Variants in ACSS3 observed in about 807,000 individuals in gnomAD.
ACSS3 encodes acyl-CoA synthetase short-chain family member 3, mitochondrial.
ACSS3 carries 64 observed loss-of-function variants against 84.2 expected under a neutral mutation model. That is an observed-to-expected ratio of 0.76 (90% CI 0.62 to 0.94). The LOEUF (loss-of-function observed/expected upper bound fraction) is 0.94, where lower values mean the gene tolerates loss of function less well. ACSS3 is among the 40% of genes least tolerant of loss of function. The probability of loss-of-function intolerance (pLI) is 0.00; values close to 1 mark genes in which losing one functional copy is unlikely to be tolerated. For synonymous variants in ACSS3, 317 were observed against 310.1 expected (o/e 1.02, Z -0.23); for missense variants, 815 against 867.6 (o/e 0.94, Z 0.76).
At chr12:81,151,817 T>C (rs1886623148) in intron 5 of ACSS3, 27 bp from the exon 6 acceptor site, 1 of 1,598,028 alleles carries the variant, frequency 6.3e-7, no homozygotes, top group Non-Finnish European at 8.5e-7. Context: ...TGTTTATTGA[T>C]TTTAATTTCA....
At chr12:81,193,566 T>C (rs896541326) in intron 8 of ACSS3, among the ~76,000 whole-genome samples, 6 of 152,014 alleles carry the variant, frequency 3.9e-5, no homozygotes, top group Non-Finnish European at 8.8e-5. Context: ...TCTCCTTTTT[T>C]TCTATTCTGA....
intron 1 of ACSS3, among the ~76,000 whole-genome samples, chr12:81,094,037 T>C (rs1168196680): frequency 1.3e-5 from 2 of 152,176 alleles, no homozygotes; most frequent in African/African-American, 4.8e-5. Context: ...TGGGTGAATA[T>C]ATAAATATTT....
chr12:81,148,154 A>T (rs189413336), intron 5 of ACSS3, among the ~76,000 whole-genome samples: 1 of 126,988 alleles, frequency 7.9e-6, no homozygotes, highest in African/African-American at 2.5e-5. Flanking sequence ...ATATTTAAAG[A>T]CCATTAAAAA....
intron 9 of ACSS3, among the ~76,000 whole-genome samples, chr12:81,210,312 G>A (rs2032539913): frequency 6.6e-6 from 1 of 152,252 alleles, no homozygotes; most frequent in East Asian, 1.9e-4. Context: ...TCGTATTCAG[G>A]TTAGAGAGGA....
intron 2 of ACSS3, among the ~76,000 whole-genome samples, chr12:81,118,767 A>C (rs2121527963): frequency 6.6e-6 from 1 of 152,322 alleles, no homozygotes. Context: ...ACACATACTG[A>C]ATGCTTATTG....
At chr12:81,250,978 A>G (rs10862274) in intron 13 of ACSS3, among the ~76,000 whole-genome samples, 28,955 of 152,094 alleles carry the variant, frequency 0.19, 2,856 homozygotes, top group East Asian at 0.21. Context: ...TCTTACTATC[A>G]CGACCTTAAC....
chr12:81,148,790 A>G (rs1324390891), intron 5 of ACSS3, among the ~76,000 whole-genome samples: 3 of 151,246 alleles, frequency 2.0e-5, no homozygotes, highest in East Asian at 1.9e-4. Context: ...GGCCAGGCGC[A>G]GTGCATCATG....
rs188026796 is a variant in ACSS3, at chr12:81,151,870, C to T, written c.948C>T (p.Tyr316=). Residue 316 remains tyrosine (Y), a synonymous_variant, in exon 6 of 16, where the codon TAC becomes TAT. Coordinates refer to ENST00000548058, the MANE Select transcript of ACSS3 (RefSeq NM_024560.4). ...GTGTGATTAGGCCCACTGGGGGATA[C>T]GCTGTCATGCTACACTGGTCAATGT... The part of the protein sequence containing the change: ...PKGVIRPTGG[Y]AVMLHWSMSS... The T allele has an allele frequency of 3.2e-5, 52 of 1,613,688 alleles. No homozygotes were observed. The highest frequency in any genetic ancestry group is 8.0e-5 in the African/African-American group (6 of 75,044).
Position 81,256,197 on chromosome 12 carries a change from A to G in ACSS3, c.*1275A>G, listed in dbSNP as rs1200684733. 6.6e-6 allele frequency: 1 copy of G among 152,166 alleles called. No individual in the cohort carries two copies. Among genetic ancestry groups the G allele is most frequent in the Non-Finnish European group, 1.5e-5 (1 of 68,024 alleles). The allele number at this position is 152,166 out of a possible 1,614,324, so 9.4% of individuals were successfully genotyped here. On this transcript the variant is annotated 3_prime_UTR_variant, in exon 16 of 16. Coordinates refer to ENST00000548058, the MANE Select transcript of ACSS3 (RefSeq NM_024560.4). The stretch of plus-strand genomic sequence containing the variant: ...GCGGACCCAGCAGAATATGGCCCAA[A>G]AAGGAGGCAGGTCTCCTGTTGCAAG...
intron 13 of ACSS3, among the ~76,000 whole-genome samples, chr12:81,238,594 C>T (rs908812935): frequency 6.6e-6 from 1 of 151,602 alleles, no homozygotes; most frequent in African/African-American, 2.4e-5. Context: ...TAACTTTTGT[C>T]AGATTGTGTC....
intron 2 of ACSS3, among the ~76,000 whole-genome samples, chr12:81,118,320 G>A (rs781110455): frequency 2.0e-5 from 3 of 152,164 alleles, no homozygotes; most frequent in Non-Finnish European, 4.4e-5. Flanking sequence ...CATGACCCAA[G>A]ATTATGAAGT....
chr12:81,089,940 C>T (rs770902663), intron 1 of ACSS3, among the ~76,000 whole-genome samples: 2 of 152,012 alleles, frequency 1.3e-5, no homozygotes, highest in Non-Finnish European at 2.9e-5. Flanking sequence ...GTTTTTTCAA[C>T]CCAGTTGGGT....
At chr12:81,175,935 C>A (rs190975591) in intron 8 of ACSS3, among the ~76,000 whole-genome samples, 10 of 152,092 alleles carry the variant, frequency 6.6e-5, no homozygotes, top group Admixed American at 6.5e-4. Context: ...ATGTCACACC[C>A]CGAGGAACTA....
chr12:81,107,185 C>A (rs11614891), intron 1 of ACSS3, among the ~76,000 whole-genome samples: 53,297 of 151,206 alleles, frequency 0.35, 11,854 homozygotes, highest in Non-Finnish European at 0.5. Flanking sequence ...GTAGCGTGAG[C>A]TAAGGGATGC....
chr12:81,081,126 C>G (rs1009869115), intron 1 of ACSS3, among the ~76,000 whole-genome samples: 3 of 152,160 alleles, frequency 2.0e-5, no homozygotes, highest in Non-Finnish European at 4.4e-5. Context: ...AAAGTAAACT[C>G]CCCTCAGAAC....
At chr12:81,175,334 A>G (rs1307865297) in intron 8 of ACSS3, among the ~76,000 whole-genome samples, 1 of 152,214 alleles carries the variant, frequency 6.6e-6, no homozygotes, top group African/African-American at 2.4e-5. Context: ...ATGTATACAG[A>G]TAAAATGTGA....
chr12:81,159,586 TTGAA>T (rs1887050115), intron 7 of ACSS3, among the ~76,000 whole-genome samples: 1 of 152,148 alleles, frequency 6.6e-6, no homozygotes, highest in Non-Finnish European at 1.5e-5. Flanking sequence ...GAGGAAAAAA[TTGAA>T]TGGTACTTCT....
chr12:81,183,394 A>G, intron 8 of ACSS3, among the ~76,000 whole-genome samples: 1 of 152,200 alleles, frequency 6.6e-6, no homozygotes, highest in East Asian at 1.9e-4. Context: ...ACAACAAGAA[A>G]GGAAAAAGGA....
intron 7 of ACSS3, among the ~76,000 whole-genome samples, chr12:81,159,073 A>T (rs1565697031): frequency 6.6e-6 from 1 of 152,212 alleles, no homozygotes; most frequent in Non-Finnish European, 1.5e-5. Flanking sequence ...TCTATCAATG[A>T]GTAAGAGTAA....
Sources: allele counts gnomAD v4.1 joint callset (sites outside exome capture counted in the v4.1 genomes callset), GRCh38; gene constraint gnomAD v4.1.1; transcripts MANE v1.5; gene names NCBI Gene and HGNC (gene_info 2026-07-23, HGNC 2026-07-21).